The following DLC1 variants were observed in gnomAD, a reference collection of about 807,000 sequenced individuals.
DLC1 encodes rho GTPase-activating protein 7.
In DLC1, 54 loss-of-function variants were observed where a neutral mutation model predicts 140.3. That is an observed-to-expected ratio of 0.38 (90% CI 0.31 to 0.48). The LOEUF is 0.48. DLC1 is among the 20% of genes least tolerant of loss of function. The pLI is 0.96. For synonymous variants in DLC1, 986 were observed against 728.1 expected (o/e 1.35, Z -5.70); for missense variants, 2,536 against 1,907.0 (o/e 1.33, Z -6.14).
chr8:13,202,013 T>C (rs1563160741), intron 5 of DLC1, among the ~76,000 whole-genome samples: 3 of 149,186 alleles, frequency 2.0e-5, no homozygotes, highest in African/African-American at 7.4e-5. Flanking sequence ...TGGTGCGATC[T>C]CGGCTCACTG....
intron 5 of DLC1, among the ~76,000 whole-genome samples, chr8:13,281,341 T>C (rs1831359710): frequency 1.3e-5 from 2 of 152,180 alleles, no homozygotes; most frequent in Non-Finnish European, 2.9e-5. Flanking sequence ...GCTTGCACTA[T>C]TAGGTGTATA....
intron 5 of DLC1, among the ~76,000 whole-genome samples, chr8:13,255,831 A>G (rs1299389066): frequency 1.3e-5 from 2 of 152,216 alleles, no homozygotes; most frequent in African/African-American, 2.4e-5. Flanking sequence ...TGCCTAACAT[A>G]TAAGAAGTAC....
intron 2 of DLC1, among the ~76,000 whole-genome samples, chr8:13,484,173 C>T (rs1490841150): frequency 6.6e-6 from 1 of 151,866 alleles, no homozygotes; most frequent in African/African-American, 2.4e-5. Context: ...GGCCAAGAGG[C>T]CAGTTAAGAA....
intron 1 of DLC1, among the ~76,000 whole-genome samples, chr8:13,537,126 A>C (rs905231482): frequency 7.3e-5 from 6 of 82,582 alleles, no homozygotes; most frequent in Non-Finnish European, 2.1e-4. Flanking sequence ...ACAGTACATT[A>C]AAAAAAAACC....
At chr8:13,405,968 T>TCTTC (rs1563320882) in intron 2 of DLC1, among the ~76,000 whole-genome samples, 2 of 137,018 alleles carry the variant, frequency 1.5e-5, no homozygotes, top group African/African-American at 5.3e-5. Context: ...TTTCTTTCTT[T>TCTTC]CTTTCATCTC....
chr8:13,236,767 C>G (rs1013166304), intron 5 of DLC1, among the ~76,000 whole-genome samples: 2 of 151,968 alleles, frequency 1.3e-5, no homozygotes, highest in Non-Finnish European at 1.5e-5. Flanking sequence ...AAAATAAATA[C>G]AACTTGAGAT....
intron 5 of DLC1, among the ~76,000 whole-genome samples, chr8:13,252,642 C>T (rs1301080850): frequency 6.6e-6 from 1 of 152,108 alleles, no homozygotes; most frequent in Non-Finnish European, 1.5e-5. Flanking sequence ...AAATCTTTCT[C>T]AGTAAGAAAA....
At chr8:13,321,871 T>C (rs1443245610) in intron 4 of DLC1, among the ~76,000 whole-genome samples, 1 of 152,190 alleles carries the variant, frequency 6.6e-6, no homozygotes, top group Non-Finnish European at 1.5e-5. Flanking sequence ...TACGTGTCTG[T>C]TATTGGAATT....
chr8:13,104,914 G>T (rs923665647), intron 7 of DLC1, among the ~76,000 whole-genome samples: 3 of 152,144 alleles, frequency 2.0e-5, no homozygotes, highest in African/African-American at 7.2e-5. Context: ...TCTATTGGGG[G>T]TATCAATTAC....
intron 1 of DLC1, among the ~76,000 whole-genome samples, chr8:13,572,445 C>G (rs1040412200): frequency 3.9e-5 from 6 of 152,116 alleles, no homozygotes; most frequent in African/African-American, 1.2e-4. Flanking sequence ...GTTTTTCAGT[C>G]TCTTGATAGT....
At chr8:13,304,752 C>G in intron 5 of DLC1, 1 of 956,148 alleles carries the variant, frequency 1.0e-6, no homozygotes, top group Non-Finnish European at 1.2e-6. Context: ...TTGTCCATTT[C>G]CCATAATACT....
chr8:13,468,331 TC>T (rs1281848943), intron 2 of DLC1, among the ~76,000 whole-genome samples: 1 of 75,832 alleles, frequency 1.3e-5, no homozygotes, highest in African/African-American at 4.3e-5. Flanking sequence ...CTCTTTCCCT[TC>T]CCCCCATTCC....
chr8:13,182,853 A>G (rs971700536), intron 5 of DLC1, among the ~76,000 whole-genome samples: 1 of 152,180 alleles, frequency 6.6e-6, no homozygotes, highest in Admixed American at 6.6e-5. Context: ...CAATTCTGTG[A>G]AGAAAGTCAT....
chr8:13,587,269 T>G lies in DLC1; in HGVS notation c.-126+17268A>C, dbSNP rs375573022. On this transcript the variant is annotated intron_variant, in intron 1 of 1. Coordinates refer to the DLC1 transcript ENST00000631382. The stretch of plus-strand genomic sequence containing the variant: ...TATTCTGTCTTTTAAAGGGTGTGCT[T>G]TTAGTGTAACCATAGCCAAGAAAAA... Among the ~76,000 whole-genome samples the G allele has an allele frequency of 1.5e-3, 222 of 151,150 alleles. 2 individuals are homozygous for G. The highest frequency in any genetic ancestry group is 5.1e-3 in the African/African-American group (212 of 41,224).
intron 2 of DLC1, among the ~76,000 whole-genome samples, chr8:13,445,492 C>G (rs960079749): frequency 6.6e-6 from 1 of 152,172 alleles, no homozygotes; most frequent in Non-Finnish European, 1.5e-5. Flanking sequence ...ATTCTACCCT[C>G]AACTCAAAGG....
chr8:13,188,133 G>A (rs1435314269), intron 5 of DLC1, among the ~76,000 whole-genome samples: 1 of 144,002 alleles, frequency 6.9e-6, no homozygotes, highest in Non-Finnish European at 1.5e-5. Flanking sequence ...GCGCAGGCTG[G>A]AGTGCAATGG....
intron 2 of DLC1, among the ~76,000 whole-genome samples, chr8:13,494,538 A>C (rs1563396161): frequency 6.6e-6 from 1 of 152,188 alleles, no homozygotes; most frequent in Non-Finnish European, 1.5e-5. Flanking sequence ...TTCTGAAGGC[A>C]TAGAGCCTAT....
At chr8:13,404,431 C>G (rs750937729) in intron 2 of DLC1, among the ~76,000 whole-genome samples, 3 of 152,104 alleles carry the variant, frequency 2.0e-5, no homozygotes, top group African/African-American at 7.2e-5. Flanking sequence ...CCGAAACACA[C>G]TGGGGTAGGG....
chr8:13,098,293 T>C, intron 10 of DLC1, 106 bp downstream of exon 10: 2 of 1,351,434 alleles, frequency 1.5e-6, no homozygotes, highest in Non-Finnish European at 2.0e-6. Flanking sequence ...AGATGAAATA[T>C]ATTAATAAAG....
Sources: gnomAD v4.1 joint callset for allele counts (sites outside exome capture counted in the v4.1 genomes callset) on GRCh38, gnomAD v4.1.1 for gene constraint, MANE v1.5 for transcripts, NCBI Gene and HGNC (gene_info 2026-07-23, HGNC 2026-07-21) for gene names.